KCNMA1: variants seen among roughly 807,000 people sequenced by gnomAD.
KCNMA1 encodes potassium calcium-activated channel subfamily M alpha 1, also known as Calcium-activated potassium channel subunit alpha-1.
A neutral mutation model predicts 140.0 loss-of-function variants in KCNMA1; 29 were observed. The ratio of observed to expected loss-of-function variants is 0.21; its 90% CI spans 0.15 to 0.28. The LOEUF (loss-of-function observed/expected upper bound fraction) is 0.28. KCNMA1 is among the 10% of genes least tolerant of loss of function. KCNMA1 has a pLI of 1.00. For synonymous variants in KCNMA1, 612 were observed against 611.9 expected, an observed-to-expected ratio of 1.00 and a Z score of 0.00; for missense variants, 880 against 1,602.2, an observed-to-expected ratio of 0.55 and a Z score of 7.70.
chr10:76,902,676 G>A (rs989793478), intron 25 of KCNMA1: 6 of 152,194 alleles, frequency 3.9e-5, no homozygotes, highest in Non-Finnish European at 8.8e-5. Context: ...CTGGTTATGA[G>A]TACAGATTTC....
chr10:77,441,987 G>A (rs1057296501), intron 1 of KCNMA1, among the ~76,000 whole-genome samples: 2 of 152,210 alleles, frequency 1.3e-5, no homozygotes, highest in African/African-American at 4.8e-5. Flanking sequence ...TGTCCTGGAT[G>A]AGCTAGGGAC....
At chr10:77,025,914 T>A (rs1335173444) in intron 16 of KCNMA1, among the ~76,000 whole-genome samples, 1 of 151,200 alleles carries the variant, frequency 6.6e-6, no homozygotes, top group East Asian at 1.9e-4. Context: ...CAAGCCACAT[T>A]TGAGAATTAA....
intron 14 of KCNMA1, among the ~76,000 whole-genome samples, chr10:77,068,698 T>TTGTGTGTGTG (rs199660003): frequency 0.16 from 21,345 of 132,340 alleles, 1,922 homozygotes; most frequent in East Asian, 0.32. Flanking sequence ...GTTCCAGGTT[T>TTGTGTGTGTG]TGTGTGTGTG....
At chr10:77,258,478 C>T (rs190080291) in intron 2 of KCNMA1, among the ~76,000 whole-genome samples, 1 of 152,298 alleles carries the variant, frequency 6.6e-6, no homozygotes, top group East Asian at 1.9e-4. Context: ...TGGTCTGACC[C>T]ATCGCCTCCC....
intron 15 of KCNMA1, among the ~76,000 whole-genome samples, chr10:77,028,809 C>T (rs187580330): frequency 1.1e-4 from 16 of 152,198 alleles, no homozygotes; most frequent in Admixed American, 1.0e-3. Flanking sequence ...CCCACCGATA[C>T]AGAGAAGCTA....
intron 2 of KCNMA1, among the ~76,000 whole-genome samples, chr10:77,399,650 G>A (rs1266455728): frequency 6.6e-6 from 1 of 152,140 alleles, no homozygotes; most frequent in Admixed American, 6.5e-5. Context: ...TTTATCATGT[G>A]GATAATCAGG....
intron 1 of KCNMA1, among the ~76,000 whole-genome samples, chr10:77,574,365 T>C (rs2073208130): frequency 6.6e-6 from 1 of 152,130 alleles, no homozygotes; most frequent in African/African-American, 2.4e-5. Context: ...GCACACACAA[T>C]GTGTGCTTTA....
At chr10:77,090,604 G>A in intron 9 of KCNMA1, 94 bp from the exon 10 acceptor site, 2 of 827,262 alleles carry the variant, frequency 2.4e-6, no homozygotes, top group South Asian at 1.3e-5. Flanking sequence ...GGCAGCTGCA[G>A]GGGAAGCATT....
At chr10:77,188,072 A>C (rs568801492) in intron 3 of KCNMA1, among the ~76,000 whole-genome samples, 33 of 152,338 alleles carry the variant, frequency 2.2e-4, no homozygotes, top group Admixed American at 1.6e-3. Flanking sequence ...TGGAGAATGA[A>C]ATACAAACAC....
chr10:76,952,515 C>CA (rs1421347677), intron 21 of KCNMA1, among the ~76,000 whole-genome samples: 12 of 151,804 alleles, frequency 7.9e-5, no homozygotes, highest in East Asian at 1.9e-4. Flanking sequence ...GACTCTGTCT[C>CA]AAAAAAACAA....
chr10:77,510,981 T>TC (rs1250848463), intron 1 of KCNMA1, among the ~76,000 whole-genome samples: 1 of 152,208 alleles, frequency 6.6e-6, no homozygotes, highest in East Asian at 1.9e-4. Flanking sequence ...GCAGTGCTGC[T>TC]CCACTCCTCA....
intron 1 of KCNMA1, among the ~76,000 whole-genome samples, chr10:77,492,240 T>C (rs895235175): frequency 6.6e-6 from 1 of 152,098 alleles, no homozygotes; most frequent in Non-Finnish European, 1.5e-5. Context: ...GCTTCCACAC[T>C]CTCTGCCTTC....
intron 16 of KCNMA1, chr10:77,025,583 T>C (rs2093374651): frequency 6.7e-6 from 5 of 745,608 alleles, no homozygotes; most frequent in Non-Finnish European, 1.1e-5. Flanking sequence ...AAAACAAGGT[T>C]TTTTGGCAAA....
intron 2 of KCNMA1, among the ~76,000 whole-genome samples, chr10:77,380,882 G>A (rs377342362): frequency 6.6e-6 from 1 of 152,214 alleles, no homozygotes; most frequent in African/African-American, 2.4e-5. Context: ...GTGGTGAAAT[G>A]AAATGACTTT....
intron 5 of KCNMA1, among the ~76,000 whole-genome samples, chr10:77,129,712 A>T (rs1285287241): frequency 6.6e-6 from 1 of 152,138 alleles, no homozygotes; most frequent in Non-Finnish European, 1.5e-5. Context: ...AAAAATTTTA[A>T]AAATCTGTAG....
At chr10:77,316,140 C>A (rs767890745) in intron 2 of KCNMA1, among the ~76,000 whole-genome samples, 3 of 152,082 alleles carry the variant, frequency 2.0e-5, no homozygotes, top group Admixed American at 1.3e-4. Context: ...TTGACTGGAC[C>A]AAATTTTCCA....
chr10:77,100,723 G>A (rs1250454479), intron 9 of KCNMA1, among the ~76,000 whole-genome samples: 1 of 152,194 alleles, frequency 6.6e-6, no homozygotes, highest in Non-Finnish European at 1.5e-5. Flanking sequence ...ACAGAAAACA[G>A]GGGGCAACCT....
At chr10:77,273,843 T>C (rs1437945905) in intron 2 of KCNMA1, among the ~76,000 whole-genome samples, 4 of 152,126 alleles carry the variant, frequency 2.6e-5, no homozygotes, top group Admixed American at 2.6e-4. Context: ...ACAGGGGCTA[T>C]CACAGAGAAC....
chr10:77,106,021 G>C (rs967165837), intron 9 of KCNMA1, among the ~76,000 whole-genome samples: 10 of 152,090 alleles, frequency 6.6e-5, no homozygotes, highest in Non-Finnish European at 1.5e-4. Context: ...CAAACAAAGG[G>C]TGCTAATGGC....
Sources: gnomAD v4.1 joint callset for allele counts (sites outside exome capture counted in the v4.1 genomes callset) on GRCh38, gnomAD v4.1.1 for gene constraint, MANE v1.5 for transcripts, NCBI Gene and HGNC (gene_info 2026-07-23, HGNC 2026-07-21) for gene names.